CALCR: variants seen among roughly 807,000 people sequenced by gnomAD.
CALCR encodes calcitonin receptor.
A neutral mutation model predicts 59.5 loss-of-function variants in CALCR; 47 were observed. That is an observed-to-expected ratio of 0.79 (90% CI 0.63 to 1.01). The LOEUF is 1.01. CALCR is among the 50% of genes least tolerant of loss of function. The pLI is 0.00. For synonymous variants in CALCR, 213 were observed against 211.3 expected, an observed-to-expected ratio of 1.01 and a Z score of -0.07; for missense variants, 566 against 597.1, an observed-to-expected ratio of 0.95 and a Z score of 0.54.
At chr7:93,538,651 G>A (rs1485039649) in intron 2 of CALCR, among the ~76,000 whole-genome samples, 1 of 151,804 alleles carries the variant, frequency 6.6e-6, no homozygotes, top group Non-Finnish European at 1.5e-5. Context: ...GTTTTGGATT[G>A]CAGACCCCTT....
chr7:93,431,276 G>T (rs74463601), intron 13 of CALCR, among the ~76,000 whole-genome samples: 9,256 of 152,228 alleles, frequency 0.061, 410 homozygotes, highest in Admixed American at 0.14. Flanking sequence ...TTTTCTTTTT[G>T]TTTCGAGAGC....
chr7:93,433,054 TG>T (rs1385465589), intron 13 of CALCR, among the ~76,000 whole-genome samples: 1 of 152,034 alleles, frequency 6.6e-6, no homozygotes, highest in African/African-American at 2.4e-5. Flanking sequence ...GGTAGGTGAA[TG>T]GATGAAGAAA....
chr7:93,447,512 T>C (rs1287971803), intron 8 of CALCR, among the ~76,000 whole-genome samples: 3 of 151,916 alleles, frequency 2.0e-5, no homozygotes, highest in Non-Finnish European at 1.5e-5. Context: ...TTTTCTGTTG[T>C]GGTGGGGGTA....
intron 2 of CALCR, among the ~76,000 whole-genome samples, chr7:93,515,909 T>C (rs547194043): frequency 6.6e-6 from 1 of 152,052 alleles, no homozygotes; most frequent in Non-Finnish European, 1.5e-5. Flanking sequence ...AAGACTGATA[T>C]ATTGTAAAAA....
intron 2 of CALCR, among the ~76,000 whole-genome samples, chr7:93,532,136 A>G (rs1720817046): frequency 6.6e-6 from 1 of 152,098 alleles, no homozygotes; most frequent in African/African-American, 2.4e-5. Flanking sequence ...TGAATAAAAC[A>G]AAGTAGTGGT....
chr7:93,463,393 AAT>A (rs966842398), intron 7 of CALCR, among the ~76,000 whole-genome samples: 18 of 152,074 alleles, frequency 1.2e-4, no homozygotes, highest in African/African-American at 4.3e-4. Flanking sequence ...AAGTATGACT[AAT>A]ATATGAGTTT....
chr7:93,488,953 G>C (rs1042303229), intron 2 of CALCR, among the ~76,000 whole-genome samples: 17 of 151,980 alleles, frequency 1.1e-4, no homozygotes, highest in Admixed American at 4.6e-4. Context: ...CAAATCAACA[G>C]AATATACATT....
intron 2 of CALCR, among the ~76,000 whole-genome samples, chr7:93,495,509 C>A (rs755084069): frequency 6.6e-6 from 1 of 151,240 alleles, no homozygotes; most frequent in Non-Finnish European, 1.5e-5. Context: ...GCCCTACTCG[C>A]GGAGCCAAAA....
chr7:93,545,274 T>G (rs986857951), intron 2 of CALCR, among the ~76,000 whole-genome samples: 1 of 152,134 alleles, frequency 6.6e-6, no homozygotes, highest in African/African-American at 2.4e-5. Context: ...TTACATAGAT[T>G]AAAAATCCTG....
At chr7:93,549,463 A>T (rs937002372) in intron 2 of CALCR, among the ~76,000 whole-genome samples, 1 of 152,166 alleles carries the variant, frequency 6.6e-6, no homozygotes, top group Non-Finnish European at 1.5e-5. Context: ...TTTGTAAACC[A>T]TTTAAAATAC....
intron 13 of CALCR, among the ~76,000 whole-genome samples, chr7:93,428,656 C>T (rs901375179): frequency 2.6e-5 from 4 of 151,754 alleles, no homozygotes; most frequent in African/African-American, 9.7e-5. Flanking sequence ...AAGAATTAGC[C>T]GGCGCCTGTA....
chr7:93,557,265 CTTT>C (rs1041665657), intron 2 of CALCR, among the ~76,000 whole-genome samples: 7 of 151,448 alleles, frequency 4.6e-5, no homozygotes, highest in Admixed American at 1.3e-4. Flanking sequence ...GTTTTTATTT[CTTT>C]AAAAAATTTA....
intron 3 of CALCR, among the ~76,000 whole-genome samples, chr7:93,485,324 G>A (rs1259909751): frequency 6.6e-6 from 1 of 151,516 alleles, no homozygotes; most frequent in Non-Finnish European, 1.5e-5. Context: ...GCAAAGATGT[G>A]CATTTTTTTC....
Position 93,459,790 on chromosome 7 carries a change from T to G in CALCR, c.648+1031A>C, listed in dbSNP as rs527707944. 2.0e-5 allele frequency among the ~76,000 whole-genome samples: 3 copies of G among 152,250 alleles called. No homozygotes were observed. The East Asian group carries it at 5.8e-4, about 29-fold the overall frequency. ...AAATATGGGTTATTCTGAACAACTCTCAGGACAATTCTGGTAGGAAAAATC... is the reference window on the plus strand; with the variant it reads ...AAATATGGGTTATTCTGAACAACTCGCAGGACAATTCTGGTAGGAAAAATC... On this transcript the variant is annotated intron_variant, in intron 8 of 13. Coordinates refer to ENST00000426151, the MANE Select transcript of CALCR (RefSeq NM_001742.4).
chr7:93,550,106 T>C (rs1035491464), intron 2 of CALCR, among the ~76,000 whole-genome samples: 1 of 152,156 alleles, frequency 6.6e-6, no homozygotes, highest in Non-Finnish European at 1.5e-5. Context: ...CAGCTTTATT[T>C]TGAAAAATAA....
At chr7:93,536,819 T>G (rs56157915) in intron 2 of CALCR, among the ~76,000 whole-genome samples, 42,388 of 151,624 alleles carry the variant, frequency 0.28, 7,144 homozygotes, top group South Asian at 0.38. Context: ...GTGGTGGAAC[T>G]TAAGTATGAA....
At chr7:93,571,750 T>C (rs1563025228) in intron 2 of CALCR, among the ~76,000 whole-genome samples, 1 of 152,206 alleles carries the variant, frequency 6.6e-6, no homozygotes, top group Non-Finnish European at 1.5e-5. Flanking sequence ...AGCGAGTTCA[T>C]TAATCTAATG....
At chr7:93,474,673 T>C (rs890988893) in intron 5 of CALCR, among the ~76,000 whole-genome samples, 1 of 151,772 alleles carries the variant, frequency 6.6e-6, no homozygotes, top group Non-Finnish European at 1.5e-5. Context: ...AAAGCACCCA[T>C]TCGATGTGTT....
chr7:93,491,455 C>T (rs1801074918), intron 2 of CALCR, among the ~76,000 whole-genome samples: 1 of 152,052 alleles, frequency 6.6e-6, no homozygotes, highest in African/African-American at 2.4e-5. Context: ...AAACTATCAT[C>T]AGAGTGAACC....
Sources: gnomAD v4.1 joint callset for allele counts (sites outside exome capture counted in the v4.1 genomes callset) on GRCh38, gnomAD v4.1.1 for gene constraint, MANE v1.5 for transcripts, NCBI Gene and HGNC (gene_info 2026-07-23, HGNC 2026-07-21) for gene names.